CDYL: variants seen among roughly 807,000 people sequenced by gnomAD.
The protein encoded by CDYL is chromodomain Y like.
CDYL carries 8 observed loss-of-function variants against 47.3 expected under a neutral mutation model. The observed-to-expected ratio is 0.17, with a 90% CI of 0.10 to 0.31. The LOEUF is 0.31. CDYL is among the 10% of genes least tolerant of loss of function. CDYL has a pLI of 1.00. For synonymous variants in CDYL, 266 were observed against 265.0 expected (o/e 1.00, Z -0.04); for missense variants, 471 against 701.4 (o/e 0.67, Z 3.71).
intron 3 of CDYL, among the ~76,000 whole-genome samples, chr6:4,770,103 C>G (rs906230183): frequency 2.6e-5 from 4 of 151,884 alleles, no homozygotes; most frequent in African/African-American, 9.7e-5. Context: ...TTCCAAAGTG[C>G]TGGGATTACA....
At chr6:4,788,845 T>A (rs1258469405) in intron 1 of CDYL, among the ~76,000 whole-genome samples, 1 of 151,948 alleles carries the variant, frequency 6.6e-6, no homozygotes, top group African/African-American at 2.4e-5. Flanking sequence ...CCTGTTAGGA[T>A]CCCCGCAGGC....
At chr6:4,804,111 T>G (rs1479935154) in intron 1 of CDYL, among the ~76,000 whole-genome samples, 2 of 152,114 alleles carry the variant, frequency 1.3e-5, no homozygotes, top group African/African-American at 4.8e-5. Flanking sequence ...GGCTGTCAGT[T>G]ATTTACAGAC....
At chr6:4,717,788 TTTG>T (rs1291966234) in intron 2 of CDYL, among the ~76,000 whole-genome samples, 1 of 151,552 alleles carries the variant, frequency 6.6e-6, no homozygotes, top group Non-Finnish European at 1.5e-5. Flanking sequence ...TTTTTTGGTT[TTTG>T]TTGTTTTCTT....
exon 2 of CDYL, chr6:4,715,741 G>T (rs1313953389): frequency 6.8e-6 from 11 of 1,611,370 alleles, no homozygotes; most frequent in Non-Finnish European, 9.3e-6. Flanking sequence ...GTAATTGCAG[G>T]TGGTCATCAG....
chr6:4,870,246 T>A (rs149276024), intron 1 of CDYL, among the ~76,000 whole-genome samples: 2 of 152,312 alleles, frequency 1.3e-5, no homozygotes, highest in African/African-American at 4.8e-5. Context: ...TGCCTAGCCT[T>A]GTCTTCATTT....
intron 2 of CDYL, among the ~76,000 whole-genome samples, chr6:4,902,997 G>T (rs1304283083): frequency 6.6e-6 from 1 of 152,224 alleles, no homozygotes; most frequent in Non-Finnish European, 1.5e-5. Context: ...TAGTCCAATT[G>T]TTTACACACA....
chr6:4,830,114 G>A (rs9504264), intron 1 of CDYL, among the ~76,000 whole-genome samples: 4,613 of 152,334 alleles, frequency 0.03, 72 homozygotes, highest in Middle Eastern at 0.068. Flanking sequence ...CTGAATGGTT[G>A]TGGTGGAAAG....
intron 1 of CDYL, among the ~76,000 whole-genome samples, chr6:4,826,359 C>G (rs945537621): frequency 1.3e-5 from 2 of 151,904 alleles, no homozygotes; most frequent in Non-Finnish European, 2.9e-5. Flanking sequence ...GTATCTTACC[C>G]GTAATCTTTA....
intron 5 of CDYL, 34 bp from the exon 6 acceptor site, chr6:4,952,232 C>T (rs768172701): frequency 6.2e-7 from 1 of 1,602,308 alleles, no homozygotes; most frequent in Non-Finnish European, 8.5e-7. Context: ...CCTCCCACCG[C>T]AATTCATATT....
At chr6:4,872,916 T>G (rs1761515697) in intron 1 of CDYL, among the ~76,000 whole-genome samples, 1 of 152,244 alleles carries the variant, frequency 6.6e-6, no homozygotes, top group Non-Finnish European at 1.5e-5. Context: ...TTATGGCTTC[T>G]TCAAGCTTTC....
At chr6:4,734,835 C>T (rs770374434) in exon 3 of CDYL, 16 of 1,614,076 alleles carry the variant, frequency 9.9e-6, no homozygotes, top group South Asian at 3.3e-5. Flanking sequence ...AGCAGCCTCC[C>T]GCTTTACAGG....
At chr6:4,871,749 G>T (rs544288246) in intron 1 of CDYL, among the ~76,000 whole-genome samples, 113 of 152,276 alleles carry the variant, frequency 7.4e-4, no homozygotes, top group African/African-American at 2.6e-3. Flanking sequence ...AGCTTTAGAA[G>T]AAATACAAAG....
intron 1 of CDYL, among the ~76,000 whole-genome samples, chr6:4,708,112 A>G (rs1470903625): frequency 6.6e-6 from 1 of 151,874 alleles, no homozygotes; most frequent in Non-Finnish European, 1.5e-5. Flanking sequence ...TGTTTTAGGT[A>G]TAATCAAAAG....
chr6:4,723,207 T>C (rs1757405060), intron 2 of CDYL, among the ~76,000 whole-genome samples: 1 of 152,128 alleles, frequency 6.6e-6, no homozygotes, highest in Non-Finnish European at 1.5e-5. Context: ...TACATGGCAG[T>C]AGATATTAAG....
chr6:4,930,285 A>C (rs1308594029), intron 2 of CDYL, among the ~76,000 whole-genome samples: 1 of 152,244 alleles, frequency 6.6e-6, no homozygotes, highest in East Asian at 1.9e-4. Flanking sequence ...TTGGTTCAGC[A>C]AAGACTCAAA....
At chr6:4,714,117 A>G (rs1336755877) in intron 1 of CDYL, 6 of 152,156 alleles carry the variant, frequency 3.9e-5, no homozygotes, top group African/African-American at 1.4e-4. Flanking sequence ...TAGGTCATTT[A>G]TTCATCCACA....
rs1483373896 is a variant in CDYL at position 4,746,023 on chromosome 6, G to A, written c.186+11179G>A. Among the ~76,000 whole-genome samples the A allele has an allele frequency of 8.5e-5, 13 of 152,278 alleles. No individual in the cohort carries two copies. In the South Asian group the frequency reaches 1.0e-3, roughly 12 times the overall value. On this transcript the variant is annotated intron_variant, in intron 3 of 8. Transcript: ENST00000328908. ...TCACCAGCATGGACTTCATCCTAGC[G>A]AGATAAATGTTAGATACAAACGGGA... is the stretch of plus-strand genomic sequence containing the variant.
intron 2 of CDYL, among the ~76,000 whole-genome samples, chr6:4,927,851 A>G (rs1395567901): frequency 6.6e-6 from 1 of 151,980 alleles, no homozygotes; most frequent in Non-Finnish European, 1.5e-5. Context: ...TTTCCTTTTT[A>G]TGTTTAAGCT....
rs185816872 is a variant in CDYL, at chr6:4,925,791, C to T, written c.692-9724C>T. Among the ~76,000 whole-genome samples, 8 of 152,156 alleles carry T rather than the reference C, an allele frequency of 5.3e-5. No individual in the cohort carries two copies. The East Asian group carries it at 5.8e-4, about 11-fold the overall frequency. On this transcript the variant is annotated intron_variant, in intron 2 of 6. Transcript: ENST00000397588. ...GAGCCAGCTTCTGAGCCTAGGAGGT[C>T]GGGCGCATATCCTTGCTTTTGTTCA...
Sources: allele counts gnomAD v4.1 joint callset (sites outside exome capture counted in the v4.1 genomes callset), GRCh38; gene constraint gnomAD v4.1.1; transcripts MANE v1.5; gene names NCBI Gene and HGNC (gene_info 2026-07-23, HGNC 2026-07-21).